RPS6KC1: variants seen among roughly 807,000 people sequenced by gnomAD.
The protein encoded by RPS6KC1 is ribosomal protein S6 kinase C1.
A neutral mutation model predicts 103.8 loss-of-function variants in RPS6KC1; 54 were observed. The ratio of observed to expected loss-of-function variants is 0.52; its 90% CI spans 0.42 to 0.65. RPS6KC1 has a LOEUF of 0.65. Among genes scored for constraint, RPS6KC1 ranks in the 30% least tolerant of loss-of-function variants. RPS6KC1 has a pLI of 0.00. For synonymous variants in RPS6KC1, 439 were observed against 438.7 expected (o/e 1.00, Z -0.01); for missense variants, 1,151 against 1,253.8 (o/e 0.92, Z 1.24).
In RPS6KC1 at chr1:213,051,459, G is replaced by A. The variant is rs763853562; in HGVS notation, c.55G>A (p.Glu19Lys). The change falls in exon 1 of 15, where the codon GAG (glutamate) becomes AAG (lysine). Residue 19 changes from glutamate to lysine, a missense_variant. Glu to Lys is a moderately conservative substitution (Grantham distance 56, BLOSUM62 1). Coordinates refer to ENST00000366960, the MANE Select transcript of RPS6KC1 (RefSeq NM_012424.6). ...CCTGGCCCGTTTCTACACTGTCACC[G>A]AGCCCCAGCGACACCCGAGGGGCTA... ...ADLARFYTVTEPQRHPRGYTV... is the reference protein window; with the variant it reads ...ADLARFYTVTKPQRHPRGYTV... The A allele has an allele frequency of 3.7e-6, 6 of 1,613,522 alleles. No homozygotes were observed. The Admixed American group carries it at 8.3e-5, about 22-fold the overall frequency.
chr1:213,264,508 A>G (rs951715277), intron 14 of RPS6KC1, among the ~76,000 whole-genome samples: 1 of 152,156 alleles, frequency 6.6e-6, no homozygotes, highest in Non-Finnish European at 1.5e-5. Context: ...GGAATTCCTC[A>G]TAATAAGTTA....
chr1:213,686,764 G>A, the RPS6KC1 span, among the ~76,000 whole-genome samples: 1 of 152,280 alleles, frequency 6.6e-6, no homozygotes, highest in South Asian at 2.1e-4. Context: ...GGTTTATTAA[G>A]GAAGTAAAGG....
At chr1:213,110,890 C>G (rs181356331) in intron 4 of RPS6KC1, among the ~76,000 whole-genome samples, 70 of 152,032 alleles carry the variant, frequency 4.6e-4, no homozygotes, top group Admixed American at 9.8e-4. Context: ...CATCACTTTT[C>G]CTTGCCATAT....
chr1:213,498,256 A>G, the RPS6KC1 span, among the ~76,000 whole-genome samples: 1 of 152,200 alleles, frequency 6.6e-6, no homozygotes. Context: ...TAAGTGATGT[A>G]TTAGCAAATA....
chr1:213,707,625 G>A, the RPS6KC1 span, among the ~76,000 whole-genome samples: 2 of 152,156 alleles, frequency 1.3e-5, no homozygotes, highest in Admixed American at 1.3e-4. Context: ...CCCATGCTAT[G>A]TCCTGAATGG....
At chr1:213,663,559 G>C in the RPS6KC1 span, among the ~76,000 whole-genome samples, 1 of 152,074 alleles carries the variant, frequency 6.6e-6, no homozygotes, top group Admixed American at 6.6e-5. Context: ...GATTTGCTAG[G>C]GCCACTGCAA....
chr1:213,526,516 C>T, the RPS6KC1 span, among the ~76,000 whole-genome samples: 1 of 152,026 alleles, frequency 6.6e-6, no homozygotes. Context: ...GGAATTTTGC[C>T]CAGCAAGTAT....
At chr1:213,547,998 C>T in the RPS6KC1 span, among the ~76,000 whole-genome samples, 3 of 152,202 alleles carry the variant, frequency 2.0e-5, no homozygotes, top group South Asian at 2.1e-4. Context: ...ATAGAAGTGT[C>T]GTTGGTATAG....
At chr1:213,214,876 T>C (rs533851860) in intron 8 of RPS6KC1, among the ~76,000 whole-genome samples, 1 of 152,106 alleles carries the variant, frequency 6.6e-6, no homozygotes, top group Admixed American at 6.5e-5. Context: ...ACCCCATCTG[T>C]ACATCACCAT....
intron 3 of RPS6KC1, among the ~76,000 whole-genome samples, chr1:213,090,654 C>A (rs1043706579): frequency 6.6e-6 from 1 of 152,140 alleles, no homozygotes; most frequent in Non-Finnish European, 1.5e-5. Flanking sequence ...CTCATGTCTA[C>A]ATGGGAGATA....
At chr1:213,372,057 T>C in the RPS6KC1 span, among the ~76,000 whole-genome samples, 1 of 152,224 alleles carries the variant, frequency 6.6e-6, no homozygotes, top group Non-Finnish European at 1.5e-5. Flanking sequence ...AGTCCTGCCA[T>C]CTTTGCTGTG....
the RPS6KC1 span, among the ~76,000 whole-genome samples, chr1:213,378,524 A>AGTGGGGAGAGAAAGTTTGGAAAT: frequency 2.0e-5 from 3 of 152,330 alleles, no homozygotes; most frequent in African/African-American, 4.8e-5. Context: ...GGGCAGGGAA[A>AGTGGGGAGAGAAAGTTTGGAAAT]GTGGGGAGAG....
chr1:213,243,777 T>C (rs1361575669), intron 12 of RPS6KC1, among the ~76,000 whole-genome samples: 2 of 152,286 alleles, frequency 1.3e-5, no homozygotes, highest in Non-Finnish European at 2.9e-5. Context: ...TTTTTTGATA[T>C]AGTCTGCTTA....
At chr1:213,789,247 C>T in the RPS6KC1 span, among the ~76,000 whole-genome samples, 1 of 152,158 alleles carries the variant, frequency 6.6e-6, no homozygotes, top group African/African-American at 2.4e-5. Flanking sequence ...ACAGTAAGAG[C>T]CTAAAAGGGC....
the RPS6KC1 span, among the ~76,000 whole-genome samples, chr1:213,572,354 T>A: frequency 6.6e-6 from 1 of 152,272 alleles, no homozygotes; most frequent in African/African-American, 2.4e-5. Context: ...GGGCTATTCC[T>A]CCCTTCCACA....
intron 1 of RPS6KC1, among the ~76,000 whole-genome samples, chr1:213,059,852 T>C (rs1188205000): frequency 1.3e-5 from 2 of 152,164 alleles, no homozygotes; most frequent in East Asian, 3.9e-4. Flanking sequence ...TTTATGTGTT[T>C]AATAGAGATG....
At chr1:213,678,146 G>A in the RPS6KC1 span, among the ~76,000 whole-genome samples, 3 of 152,190 alleles carry the variant, frequency 2.0e-5, no homozygotes, top group African/African-American at 7.2e-5. Context: ...CTTGGTATTA[G>A]GTGTTATTAA....
the RPS6KC1 span, among the ~76,000 whole-genome samples, chr1:213,459,535 C>A: frequency 7.2e-5 from 11 of 152,030 alleles, no homozygotes; most frequent in Admixed American, 2.6e-4. Flanking sequence ...TTAAAAAAAA[C>A]CAGCTCCTGG....
chr1:213,598,928 A>C, the RPS6KC1 span, among the ~76,000 whole-genome samples: 1 of 152,126 alleles, frequency 6.6e-6, no homozygotes, highest in Non-Finnish European at 1.5e-5. Flanking sequence ...ACAAAACAAA[A>C]CAAAACAAAA....
Sources: gnomAD v4.1 joint callset for allele counts (sites outside exome capture counted in the v4.1 genomes callset) on GRCh38, gnomAD v4.1.1 for gene constraint, MANE v1.5 for transcripts, NCBI Gene and HGNC (gene_info 2026-07-23, HGNC 2026-07-21) for gene names.